GPR61: variants seen among roughly 807,000 people sequenced by gnomAD.
The protein encoded by GPR61 is G protein-coupled receptor 61.
A neutral mutation model predicts 29.2 loss-of-function variants in GPR61; 15 were observed. That is an observed-to-expected ratio of 0.51 (90% CI 0.34 to 0.79). GPR61 has a LOEUF of 0.79. Ranked by LOEUF, GPR61 falls within the 30% of genes least tolerant of loss-of-function variation. GPR61 has a pLI of 0.01. For synonymous variants in GPR61, 238 were observed against 242.3 expected (o/e 0.98, Z 0.17); for missense variants, 399 against 582.5 (o/e 0.69, Z 3.24).
At chr1:109,541,512 A>G (rs547127183) in intron 1 of GPR61, among the ~76,000 whole-genome samples, 2 of 152,384 alleles carry the variant, frequency 1.3e-5, no homozygotes, top group East Asian at 3.9e-4. Flanking sequence ...CTGTAAGGCT[A>G]TAACTGTGGA....
intron 1 of GPR61, among the ~76,000 whole-genome samples, chr1:109,541,420 G>A (rs1241900971): frequency 6.6e-6 from 1 of 152,232 alleles, no homozygotes; most frequent in African/African-American, 2.4e-5. Context: ...TCACAAAATT[G>A]TATTCAGCAC....
At position 109,542,756 on chromosome 1, in the gene GPR61, C is replaced by T; in HGVS notation, c.-267C>T. ...AGCGGAGTGTTGAGTGGGTCAGGCTCCTGCACCTCTCACGTCTCCTGCTTC... is the reference window on the plus strand; with the variant it reads ...AGCGGAGTGTTGAGTGGGTCAGGCTTCTGCACCTCTCACGTCTCCTGCTTC... On this transcript the variant is annotated 5_prime_UTR_variant, in exon 2 of 2. Coordinates refer to ENST00000527748, the MANE Select transcript of GPR61 (RefSeq NM_001393907.1). The T allele has an allele frequency of 1.5e-6, 1 of 663,358 alleles. No individual in the cohort carries two copies. The highest frequency in any genetic ancestry group is 2.8e-6 in the Non-Finnish European group (1 of 360,216). 41.1% of individuals were successfully genotyped at this position (663,358 alleles called of 1,614,324 possible).
Position 109,542,465 on chromosome 1 carries a change from A to C in GPR61, c.-558A>C. The C allele has an allele frequency of 3.2e-6, 1 of 308,066 alleles. No homozygotes were observed. The highest frequency in any genetic ancestry group is 2.7e-5 in the South Asian group (1 of 36,706). 19.1% of individuals were successfully genotyped at this position (308,066 alleles called of 1,614,324 possible). ...TGAAATTCAGAAGATTCACAGAGTTAGTAATGCCCAGAACTGGGACTAGAA... is the reference window on the plus strand; with the variant it reads ...TGAAATTCAGAAGATTCACAGAGTTCGTAATGCCCAGAACTGGGACTAGAA... On this transcript the variant is annotated 5_prime_UTR_variant, in exon 2 of 2. Transcript: ENST00000527748.
In GPR61 at chr1:109,543,561, G is replaced by A. The variant is rs1262137486; in HGVS notation, c.539G>A (p.Gly180Glu). 1 of 1,614,136 alleles carries A rather than the reference G, an allele frequency of 6.2e-7. No homozygotes were observed. Among genetic ancestry groups the A allele is most frequent in the Non-Finnish European group, 8.5e-7 (1 of 1,180,010 alleles). Residue 180 changes from glycine (G) to glutamate (E), a missense_variant, in exon 2 of 2, where the codon GGA becomes GAA. Coordinates refer to ENST00000527748, the MANE Select transcript of GPR61 (RefSeq NM_001393907.1). This position sits in a 1 kb window ranked among gnomAD's most constrained non-coding sequence, Gnocchi z 6.8. ...ALAMASVPVL[G>E]RVSWEEGAPS... ...GCCATGGCTTCTGTGCCAGTGTTGG[G>A]AAGGGTCTCCTGGGAGGAAGGAGCT... is the stretch of plus-strand genomic sequence containing the variant.
At chr1:109,541,983 C>G (rs901977104) in intron 1 of GPR61, among the ~76,000 whole-genome samples, 4 of 152,164 alleles carry the variant, frequency 2.6e-5, no homozygotes, top group Non-Finnish European at 5.9e-5. Flanking sequence ...AGATGATAAC[C>G]CTAGGGCAGC....
In GPR61 at chr1:109,546,561, C is replaced by T. The variant is rs1348515069; in HGVS notation, c.*2183C>T. On this transcript the variant is annotated 3_prime_UTR_variant, in exon 2 of 2. Transcript: ENST00000527748. ...TTTTGTTAATTTATTTTGCCTTTTC[C>T]TTTGACTTTGCCCTCCAGCCCTTCC... The T allele has an allele frequency of 1.3e-5, 2 of 152,134 alleles. No individual in the cohort carries two copies. Among genetic ancestry groups the T allele is most frequent in the African/African-American group, 2.4e-5 (1 of 41,428 alleles). 9.4% of individuals were successfully genotyped at this position (152,134 alleles called of 1,614,324 possible).
rs943684548 is a variant in GPR61, at chr1:109,546,059, TGA to T, written c.*1685_*1686del. 1 of 152,216 alleles carries T rather than the reference TGA, an allele frequency of 6.6e-6. No homozygotes were observed. Among genetic ancestry groups the T allele is most frequent in the African/African-American group, 2.4e-5 (1 of 41,446 alleles). 9.4% of individuals were successfully genotyped at this position (152,216 alleles called of 1,614,324 possible). A position where few individuals can be genotyped will look rare whatever the true frequency, so the allele number is the denominator to read the frequency against. On this transcript the variant is annotated 3_prime_UTR_variant, in exon 2 of 2. Coordinates refer to ENST00000527748, the MANE Select transcript of GPR61 (RefSeq NM_001393907.1). ...AGAATATGTCCATGGCTCTAACTTCTGAGAGTTCAGCCCGTGGCAGCAAGATG... is the reference window on the plus strand; with the variant it reads ...AGAATATGTCCATGGCTCTAACTTCTGAGTTCAGCCCGTGGCAGCAAGATG...
chr1:109,544,165 C>G lies in GPR61; in HGVS notation c.1143C>G (p.Phe381Leu), dbSNP rs1409474293. 6.2e-7 allele frequency: 1 copy of G among 1,614,058 alleles called. No individual in the cohort carries two copies. Among genetic ancestry groups the G allele is most frequent in the African/African-American group, 1.3e-5 (1 of 75,058 alleles). Residue 381 changes from phenylalanine to leucine, a missense_variant, in exon 2 of 2, where the codon TTC becomes TTG. By Grantham distance (22) the Phe-to-Leu change is conservative. Transcript: ENST00000527748. This position sits in a 1 kb window ranked among gnomAD's most constrained non-coding sequence, Gnocchi z 4.6. The part of the protein sequence containing the change: ...PSREGSIEEN[F>L]LQFLQGTGCP... ...GGGAGGGCTCCATTGAGGAGAACTTCCTGCAGTTCCTTCAGGGGACTGGCT... is the reference window on the plus strand; with the variant it reads ...GGGAGGGCTCCATTGAGGAGAACTTGCTGCAGTTCCTTCAGGGGACTGGCT...
chr1:109,543,986 G>A lies in GPR61; in HGVS notation c.964G>A (p.Val322Met). 2.5e-6 allele frequency: 4 copies of A among 1,614,236 alleles called. No homozygotes were observed. The highest frequency in any genetic ancestry group is 3.4e-6 in the Non-Finnish European group (4 of 1,180,044). Residue 322 changes from valine (V) to methionine (M), a missense_variant, in exon 2 of 2, where the codon GTG (valine) becomes ATG (methionine). By Grantham distance (21) the Val-to-Met change is conservative. Coordinates refer to ENST00000527748, the MANE Select transcript of GPR61 (RefSeq NM_001393907.1). This position sits in a 1 kb window ranked among gnomAD's most constrained non-coding sequence, Gnocchi z 6.8. The stretch of plus-strand genomic sequence containing the variant: ...TGCTCAGCCCATTTCAACTGGGCAG[G>A]TGGAGAGTGTGGTCACCTGGATTGG... ...LSAQPISTGQ[V>M]ESVVTWIGYF...
rs1307412105 is a variant in GPR61, at chr1:109,547,035, C to CG, written c.*2662dup. On this transcript the variant is annotated 3_prime_UTR_variant, in exon 2 of 2. Coordinates refer to ENST00000527748, the MANE Select transcript of GPR61 (RefSeq NM_001393907.1). ...TCAGGTGTCCCCAGGCAATATCCTA[C>CG]GGGGGCATGATAGAAAAGGGTAACT... 1 of 152,184 alleles carries CG rather than the reference C, an allele frequency of 6.6e-6. No individual in the cohort carries two copies. The allele number at this position is 152,184 out of a possible 1,614,324, so 9.4% of individuals were successfully genotyped here.
intron 1 of GPR61, among the ~76,000 whole-genome samples, chr1:109,542,080 A>G (rs1470056732): frequency 6.6e-6 from 1 of 152,190 alleles, no homozygotes; most frequent in East Asian, 1.9e-4. Context: ...GCACCTTCAC[A>G]TATGGCATGG....
rs759539328 is a variant in GPR61 at position 109,546,520 on chromosome 1, C to T, written c.*2142C>T. 69 of 152,208 alleles carry T rather than the reference C, an allele frequency of 4.5e-4. No homozygotes were observed. Among genetic ancestry groups the T allele is most frequent in the Admixed American group, 4.1e-3 (63 of 15,286 alleles). 9.4% of individuals were successfully genotyped at this position (152,208 alleles called of 1,614,324 possible). ...GGAGGAGGAAGGGGAGGGCATTAAACATTGCCTGGCAGCCATTTTGTTAAT... is the reference window on the plus strand; with the variant it reads ...GGAGGAGGAAGGGGAGGGCATTAAATATTGCCTGGCAGCCATTTTGTTAAT... On this transcript the variant is annotated 3_prime_UTR_variant, in exon 2 of 2. Coordinates refer to ENST00000527748, the MANE Select transcript of GPR61 (RefSeq NM_001393907.1).
rs1233620618 is a variant in GPR61 at position 109,543,861 on chromosome 1, T to C, written c.839T>C (p.Phe280Ser). ...CCCCAGACCACCCCACACCGGACGT[T>C]TGGGGGAGGGAAAGCAGCAGTGGTT... ...GAPQTTPHRT[F>S]GGGKAAVVLL... The change falls in exon 2 of 2, where the codon TTT becomes TCT. Residue 280 changes from phenylalanine to serine, a missense_variant. Phe to Ser is a radical substitution (Grantham distance 155). Around this residue, in one of 3 missense-constraint regions of GPR61, gnomAD observed 320 missense variants for 459.8 expected, o/e 0.70. Coordinates refer to ENST00000527748, the MANE Select transcript of GPR61 (RefSeq NM_001393907.1). This position sits in a 1 kb window ranked among gnomAD's most constrained non-coding sequence, Gnocchi z 6.8. 1 of 1,613,010 alleles carries C rather than the reference T, an allele frequency of 6.2e-7. No homozygotes were observed. The highest frequency in any genetic ancestry group is 8.5e-7 in the Non-Finnish European group (1 of 1,179,950).
Position 109,544,451 on chromosome 1 carries a change from C to G in GPR61, c.*73C>G. Reference sequence around the variant, plus strand: ...TTGCAAGGACCACCTTGTGGGATCACCTTTTCCCAGCTGGCTAGGGCTGAG... The same window carrying G: ...TTGCAAGGACCACCTTGTGGGATCAGCTTTTCCCAGCTGGCTAGGGCTGAG... On this transcript the variant is annotated 3_prime_UTR_variant, in exon 2 of 2. Transcript: ENST00000527748. The surrounding 1 kb of genome is among the most constrained non-coding windows in gnomAD (Gnocchi z 4.6). The G allele has an allele frequency of 8.5e-7, 1 of 1,170,580 alleles. No homozygotes were observed. The highest frequency in any genetic ancestry group is 1.2e-6 in the Non-Finnish European group (1 of 811,716). 72.5% of individuals were successfully genotyped at this position (1,170,580 alleles called of 1,614,324 possible).
Position 109,540,941 on chromosome 1 carries a change from C to T in GPR61, c.-602+988C>T, listed in dbSNP as rs373780277. On this transcript the variant is annotated intron_variant, in intron 1 of 1. Transcript: ENST00000527748. ...CGTGGAAACCAGGTCTGCTTCCCTCCGTCTGGGACTCTTGATGTCCATCCA... is the reference window on the plus strand; with the variant it reads ...CGTGGAAACCAGGTCTGCTTCCCTCTGTCTGGGACTCTTGATGTCCATCCA... 1.1e-3 allele frequency among the ~76,000 whole-genome samples: 163 copies of T among 152,312 alleles called. 2 individuals are homozygous for T. The highest frequency in any genetic ancestry group is 3.7e-3 in the African/African-American group (155 of 41,568).
intron 1 of GPR61, among the ~76,000 whole-genome samples, chr1:109,540,224 C>G (rs1361381749): frequency 1.3e-5 from 2 of 152,174 alleles, no homozygotes; most frequent in East Asian, 3.9e-4. Context: ...TGTCTTGCTC[C>G]ATGTCATGGA....
At position 109,544,098 on chromosome 1, in the gene GPR61, T is replaced by C. The variant is rs1407652393; in HGVS notation, c.1076T>C (p.Phe359Ser). 6.2e-7 allele frequency: 1 copy of C among 1,614,142 alleles called. No individual in the cohort carries two copies. The highest frequency in any genetic ancestry group is 2.2e-5 in the East Asian group (1 of 44,874). Residue 359 changes from phenylalanine (F) to serine (S), a missense_variant, in exon 2 of 2, where the codon TTC becomes TCC. Physicochemically the swap from Phe to Ser is radical, Grantham distance 155. Coordinates refer to ENST00000527748, the MANE Select transcript of GPR61 (RefSeq NM_001393907.1). The surrounding 1 kb of genome is among the most constrained non-coding windows in gnomAD (Gnocchi z 4.6). ...RGELSKQFVC[F>S]FKPAPEEELR... Reference sequence around the variant, plus strand: ...GAGCTCAGCAAGCAGTTTGTCTGCTTCTTCAAGCCAGCTCCAGAGGAGGAG... The same window carrying C: ...GAGCTCAGCAAGCAGTTTGTCTGCTCCTTCAAGCCAGCTCCAGAGGAGGAG...
In GPR61 at chr1:109,546,904, A is replaced by T. The variant is rs1214984451; in HGVS notation, c.*2526A>T. ...GGACAAAATCTGAGCTAACTCACTG[A>T]AGAATCAACAGATTGAGGCAACCAT... On this transcript the variant is annotated 3_prime_UTR_variant, in exon 2 of 2. Coordinates refer to ENST00000527748, the MANE Select transcript of GPR61 (RefSeq NM_001393907.1). 5 of 152,216 alleles carry T rather than the reference A, an allele frequency of 3.3e-5. No homozygotes were observed. The South Asian group carries it at 1.0e-3, about 32-fold the overall frequency. The allele number at this position is 152,216 out of a possible 1,614,324, so 9.4% of individuals were successfully genotyped here.
In GPR61 at chr1:109,543,986, G is replaced by C. The variant is rs1384429919; in HGVS notation, c.964G>C (p.Val322Leu). ...LSAQPISTGQVESVVTWIGYF... is the reference protein window; with the variant it reads ...LSAQPISTGQLESVVTWIGYF... ...TGCTCAGCCCATTTCAACTGGGCAG[G>C]TGGAGAGTGTGGTCACCTGGATTGG... Residue 322 changes from valine (V) to leucine (L), a missense_variant, in exon 2 of 2, where the codon GTG (valine) becomes CTG (leucine). Transcript: ENST00000527748. This position sits in a 1 kb window ranked among gnomAD's most constrained non-coding sequence, Gnocchi z 6.8. The C allele has an allele frequency of 6.2e-7, 1 of 1,614,236 alleles. No individual in the cohort carries two copies.
Sources: gnomAD v4.1 joint callset for allele counts (sites outside exome capture counted in the v4.1 genomes callset) on GRCh38, gnomAD v4.1.1 for gene constraint, gnomAD v4.1.1 regional missense constraint, Gnocchi (gnomAD v3.1) non-coding constraint, MANE v1.5 for transcripts, NCBI Gene and HGNC (gene_info 2026-07-23, HGNC 2026-07-21) for gene names.